Variants in AUTS2 observed in about 807,000 individuals in gnomAD.
AUTS2 encodes the protein activator of transcription and developmental regulator AUTS2, also known as autism susceptibility gene 2 protein.
In AUTS2, 17 loss-of-function variants were observed where a neutral mutation model predicts 112.4. The ratio of observed to expected loss-of-function variants is 0.15; its 90% confidence interval spans 0.10 to 0.23. The LOEUF is 0.23. Ranked by LOEUF, AUTS2 falls within the 10% of genes least tolerant of loss-of-function variation. The probability of loss-of-function intolerance (pLI) is 1.00; values close to 1 mark genes in which losing one functional copy is unlikely to be tolerated. For missense variants in AUTS2, 1,510 were observed against 1,701.6 expected (o/e 0.89, Z 1.98); for synonymous variants, 751 against 702.7 (o/e 1.07, Z -1.09).
intron 4 of AUTS2, among the ~76,000 whole-genome samples, chr7:70,276,402 T>C (rs549405591): frequency 1.3e-4 from 19 of 149,328 alleles, no homozygotes; most frequent in African/African-American, 4.4e-4. Context: ...TGAGATGGAG[T>C]CTTGCTCTGT....
At chr7:70,587,373 G>T (rs1585338482) in intron 5 of AUTS2, among the ~76,000 whole-genome samples, 1 of 152,296 alleles carries the variant, frequency 6.6e-6, no homozygotes, top group African/African-American at 2.4e-5. Context: ...CACCACACCT[G>T]CCCAGGAAGG....
intron 5 of AUTS2, among the ~76,000 whole-genome samples, chr7:70,512,138 T>G (rs879816552): frequency 3.3e-5 from 5 of 152,196 alleles, no homozygotes; most frequent in Admixed American, 1.3e-4. Context: ...CCCACGTTGA[T>G]CTCAGCTAGG....
In AUTS2 at chr7:70,522,078, G is replaced by C. The variant is rs1003249370; in HGVS notation, c.690+86297G>C. 7.2e-5 allele frequency among the ~76,000 whole-genome samples: 11 copies of C among 152,162 alleles called. No homozygotes were observed. In the East Asian group the frequency reaches 2.1e-3, roughly 29 times the overall value. On this transcript the variant is annotated intron_variant, in intron 5 of 18. Transcript: ENST00000342771. ...ATTATTATTGCTATGGCTGCAACCA[G>C]TACTACCAAGAAGAGAAATGCCACT...
intron 2 of AUTS2, among the ~76,000 whole-genome samples, chr7:70,054,836 G>T (rs996312640): frequency 7.9e-5 from 12 of 152,028 alleles, no homozygotes; most frequent in African/African-American, 2.9e-4. Flanking sequence ...TTTCAGTAGG[G>T]GGTTTAATCT....
chr7:70,535,250 A>G (rs1800270382), intron 5 of AUTS2, among the ~76,000 whole-genome samples: 1 of 152,122 alleles, frequency 6.6e-6, no homozygotes, highest in African/African-American at 2.4e-5. Context: ...AGGCACTGAG[A>G]GCCTGGCACA....
chr7:69,791,849 A>C (rs1789618252), intron 1 of AUTS2, among the ~76,000 whole-genome samples: 1 of 152,172 alleles, frequency 6.6e-6, no homozygotes, highest in African/African-American at 2.4e-5. Flanking sequence ...ATAAAGACTT[A>C]ACTGGGGTTT....
intron 4 of AUTS2, among the ~76,000 whole-genome samples, chr7:70,303,405 T>A (rs976863766): frequency 3.3e-5 from 5 of 150,476 alleles, no homozygotes; most frequent in African/African-American, 1.2e-4. Context: ...CATGCACATG[T>A]GTGCACGCAC....
In AUTS2 at chr7:70,486,903, C is replaced by CG. The variant is rs892744360; in HGVS notation, c.690+51122_690+51123insG. ...TGTTTTGTTGTTTTTGTATTCCCCCCCCCCCAAAAAAAAAGAAGAAAAGGT... is the reference window on the plus strand; with the variant it reads ...TGTTTTGTTGTTTTTGTATTCCCCCCGCCCCCAAAAAAAAAGAAGAAAAGGT... On this transcript the variant is annotated intron_variant, in intron 5 of 18. Coordinates refer to ENST00000342771, the MANE Select transcript of AUTS2 (RefSeq NM_015570.4). Among the ~76,000 whole-genome samples, 10 of 116,266 alleles carry CG rather than the reference C, an allele frequency of 8.6e-5. 1 individual carries two copies. Among genetic ancestry groups the CG allele is most frequent in the Non-Finnish European group, 1.7e-4 (10 of 57,226 alleles). The allele number at this position is 116,266 out of a possible 152,430, so 76.3% of individuals were successfully genotyped here.
chr7:70,711,507 C>G (rs1482736538), intron 6 of AUTS2, among the ~76,000 whole-genome samples: 1 of 152,186 alleles, frequency 6.6e-6, no homozygotes, highest in African/African-American at 2.4e-5. Context: ...AAGTGACAAA[C>G]AAATAATTGG....
chr7:70,155,155 T>C (rs1035209063), intron 4 of AUTS2, among the ~76,000 whole-genome samples: 1 of 152,132 alleles, frequency 6.6e-6, no homozygotes, highest in Non-Finnish European at 1.5e-5. Context: ...ATGTTGCTCA[T>C]TTAGAGTGGT....
chr7:70,642,507 C>T (rs932182524), intron 5 of AUTS2, among the ~76,000 whole-genome samples: 1 of 152,052 alleles, frequency 6.6e-6, no homozygotes, highest in Non-Finnish European at 1.5e-5. Context: ...TAGAGTTTGC[C>T]TTGAATTTAT....
rs185839574 is a variant in AUTS2 at position 70,662,091 on chromosome 7, T to C, written c.691-36478T>C. Among the ~76,000 whole-genome samples, 1,379 of 152,242 alleles carry C rather than the reference T, an allele frequency of 9.1e-3. 11 individuals carry two copies. Among genetic ancestry groups the C allele is most frequent in the Middle Eastern group, 0.031 (9 of 294 alleles). On this transcript the variant is annotated intron_variant, in intron 5 of 18. Transcript: ENST00000342771. ...AGAGATGTGGGCCAGGTGGGGGCTG[T>C]CGGCCCTTCCCACAGGCCCAGGCAG...
chr7:70,087,313 A>G (rs1803658894), intron 2 of AUTS2, among the ~76,000 whole-genome samples: 1 of 151,266 alleles, frequency 6.6e-6, no homozygotes, highest in African/African-American at 2.4e-5. Context: ...TTATAAAAGT[A>G]TATTAAAAAT....
chr7:70,140,207 T>TTTGGCA (rs1219958590), intron 4 of AUTS2, among the ~76,000 whole-genome samples: 1 of 152,198 alleles, frequency 6.6e-6, no homozygotes, highest in African/African-American at 2.4e-5. Flanking sequence ...GGATGCCTCA[T>TTTGGCA]AGATCATGTT....
At position 70,028,566 on chromosome 7, in the gene AUTS2, C is replaced by T. The variant is rs546167366; in HGVS notation, c.523-89566C>T. Among the ~76,000 whole-genome samples the T allele has an allele frequency of 1.7e-4, 26 of 152,308 alleles. No homozygotes were observed. In the East Asian group the frequency reaches 4.4e-3, roughly 26 times the overall value. The stretch of plus-strand genomic sequence containing the variant: ...TTGTCTCTACTCTCCAGCAATGCAG[C>T]TCCTTCTTCTGGTGTCGTCACTTCT... On this transcript the variant is annotated intron_variant, in intron 2 of 18. Transcript: ENST00000342771.
intron 2 of AUTS2, among the ~76,000 whole-genome samples, chr7:69,921,513 A>G (rs528608687): frequency 6.6e-6 from 1 of 152,182 alleles, no homozygotes; most frequent in South Asian, 2.1e-4. Context: ...CACGCCTGTA[A>G]TTCCAGCACT....
rs181131798 is a variant in AUTS2, at chr7:70,791,660, C to G, written c.*664C>G. On this transcript the variant is annotated 3_prime_UTR_variant, in exon 19 of 19. Transcript: ENST00000342771. ...CTAACTCAAAGGAGCCTTTTCAAAT[C>G]CATTTACAGCATACTTAAGGTCATA... 1 of 152,580 alleles carries G rather than the reference C, an allele frequency of 6.6e-6. No individual in the cohort carries two copies. Among genetic ancestry groups the G allele is most frequent in the African/African-American group, 2.4e-5 (1 of 41,436 alleles). 9.5% of individuals were successfully genotyped at this position (152,580 alleles called of 1,614,324 possible).
At chr7:70,700,630 G>T (rs1204761349) in intron 6 of AUTS2, among the ~76,000 whole-genome samples, 1 of 152,154 alleles carries the variant, frequency 6.6e-6, no homozygotes, top group Admixed American at 6.5e-5. Flanking sequence ...AAGCATCGGG[G>T]ACAGTTTTGT....
At chr7:70,430,553 A>G (rs573451238) in intron 4 of AUTS2, among the ~76,000 whole-genome samples, 47 of 152,274 alleles carry the variant, frequency 3.1e-4, no homozygotes, top group South Asian at 1.2e-3. Flanking sequence ...TTCAGCATAT[A>G]CATGGTAGAA....
Sources: gnomAD v4.1 joint callset for allele counts (sites outside exome capture counted in the v4.1 genomes callset) on GRCh38, gnomAD v4.1.1 for gene constraint, MANE v1.5 for transcripts, NCBI Gene and HGNC (gene_info 2026-07-23, HGNC 2026-07-21) for gene names.